The following MRGBP variants were observed in gnomAD, a reference collection of about 807,000 sequenced individuals.
MRGBP encodes the protein MRG/MORF4L-binding protein.
MRGBP carries 5 observed loss-of-function variants against 21.5 expected under a neutral mutation model. The observed-to-expected ratio is 0.23, with a 90% CI of 0.12 to 0.49. MRGBP has a LOEUF of 0.49. Ranked by LOEUF, MRGBP falls within the 20% of genes least tolerant of loss-of-function variation. The pLI, the probability that MRGBP is intolerant of heterozygous loss-of-function variation, is 0.98. For missense variants in MRGBP, 227 were observed against 277.4 expected (o/e 0.82, Z 1.29); for synonymous variants, 118 against 104.4 (o/e 1.13, Z -0.79).
Position 62,798,452 on chromosome 20 carries a change from C to T in MRGBP, c.271-135C>T, listed in dbSNP as rs1200616036. On this transcript the variant is annotated intron_variant, in intron 2 of 4. Coordinates refer to ENST00000370487, the MANE Select transcript of MRGBP (RefSeq NM_018270.6). ...GAAGAAATGCCCTTTGCCCTTGCCC[C>T]GCCCGCCGCAGCCTCCAACACAGTG... The T allele has an allele frequency of 4.1e-5, 29 of 708,904 alleles. No homozygotes were observed. The East Asian group carries it at 6.1e-4, about 15-fold the overall frequency. The allele number at this position is 708,904 out of a possible 1,614,324, so 43.9% of individuals were successfully genotyped here.
In MRGBP at chr20:62,799,774, C is replaced by A; in HGVS notation, c.*131C>A. On this transcript the variant is annotated 3_prime_UTR_variant, in exon 5 of 5. Coordinates refer to ENST00000370487, the MANE Select transcript of MRGBP (RefSeq NM_018270.6). ...GTGCCATGAGCCCACACTGCCCGCCCTCAGGCTCTCAGGTGAACGTGGCCG... is the reference window on the plus strand; with the variant it reads ...GTGCCATGAGCCCACACTGCCCGCCATCAGGCTCTCAGGTGAACGTGGCCG... 1.0e-6 allele frequency: 1 copy of A among 977,872 alleles called. No individual in the cohort carries two copies. Among genetic ancestry groups the A allele is most frequent in the Non-Finnish European group, 1.5e-6 (1 of 679,970 alleles). 60.6% of individuals were successfully genotyped at this position (977,872 alleles called of 1,614,324 possible).
chr20:62,799,756 G>A lies in MRGBP; in HGVS notation c.*113G>A, dbSNP rs1990417240. 1 of 1,188,394 alleles carries A rather than the reference G, an allele frequency of 8.4e-7. No homozygotes were observed. The highest frequency in any genetic ancestry group is 1.2e-6 in the Non-Finnish European group (1 of 862,206). 73.6% of individuals were successfully genotyped at this position (1,188,394 alleles called of 1,614,324 possible). On this transcript the variant is annotated 3_prime_UTR_variant, in exon 5 of 5. Coordinates refer to ENST00000370487, the MANE Select transcript of MRGBP (RefSeq NM_018270.6). ...CACAGTGATACCATCCCAGTGCCAT[G>A]AGCCCACACTGCCCGCCCTCAGGCT...
intron 2 of MRGBP, among the ~76,000 whole-genome samples, chr20:62,797,816 C>T (rs1275800847): frequency 6.6e-6 from 1 of 152,164 alleles, no homozygotes; most frequent in Non-Finnish European, 1.5e-5. Context: ...ACTAGGTAAG[C>T]AGGGTGGCCA....
chr20:62,797,792 G>A (rs6010746), intron 2 of MRGBP, among the ~76,000 whole-genome samples: 33,147 of 152,222 alleles, frequency 0.22, 3,835 homozygotes, highest in African/African-American at 0.27. Flanking sequence ...ACTGTGTGAC[G>A]GGCGAGCGGG....
At chr20:62,798,024 T>A (rs1990372502) in intron 2 of MRGBP, among the ~76,000 whole-genome samples, 1 of 152,036 alleles carries the variant, frequency 6.6e-6, no homozygotes, top group South Asian at 2.1e-4. Flanking sequence ...ATGACATAGG[T>A]CTCTCCCTCT....
intron 2 of MRGBP, 26 bp downstream of exon 2, chr20:62,797,257 C>T (rs1990358046): frequency 1.2e-5 from 18 of 1,531,614 alleles, no homozygotes; most frequent in Non-Finnish European, 1.5e-5. Context: ...CTCCCTGTGC[C>T]GCCCGATGGG....
At position 62,796,686 on chromosome 20, in the gene MRGBP, T is replaced by A. The variant is rs772506922; in HGVS notation, c.148+15T>A. The A allele has an allele frequency of 7.8e-7, 1 of 1,281,904 alleles. No individual in the cohort carries two copies. Among genetic ancestry groups the A allele is most frequent in the South Asian group, 2.1e-5 (1 of 48,516 alleles). The allele number at this position is 1,281,904 out of a possible 1,614,324, so 79.4% of individuals were successfully genotyped here. A position where few individuals can be genotyped will look rare whatever the true frequency, so the allele number is the denominator to read the frequency against. On this transcript the variant is annotated intron_variant, in intron 1 of 4. Transcript: ENST00000370487. ...CAAGCCCGTCGGTGAGCGCCCAGGC[T>A]GCGGACGCGCGTGGGGGCGGGGCGG...
At chr20:62,798,381 G>A (rs1314654288) in intron 2 of MRGBP, among the ~76,000 whole-genome samples, 1 of 152,176 alleles carries the variant, frequency 6.6e-6, no homozygotes, top group Non-Finnish European at 1.5e-5. Context: ...TGCCCTCCCT[G>A]GGTCTGTCTG....
At chr20:62,799,150 C>A in intron 4 of MRGBP, 101 bp downstream of exon 4, 2 of 1,249,334 alleles carry the variant, frequency 1.6e-6, no homozygotes, top group South Asian at 1.4e-5. Context: ...GCCTGCGGTG[C>A]AGAGGCCCCA....
In MRGBP at chr20:62,799,934, G is replaced by A. The variant is rs906154520; in HGVS notation, c.*291G>A. ...TCTCTGGAGCAGCTGTGGCTTCCCC[G>A]TGGCTGCTTGGTGACATGGATTAGC... On this transcript the variant is annotated 3_prime_UTR_variant, in exon 5 of 5. Transcript: ENST00000370487. 5.1e-5 allele frequency: 18 copies of A among 350,316 alleles called. No homozygotes were observed. The highest frequency in any genetic ancestry group is 6.7e-5 in the Non-Finnish European group (13 of 192,664). 21.7% of individuals were successfully genotyped at this position (350,316 alleles called of 1,614,324 possible).
In MRGBP at chr20:62,796,502, C is replaced by T. The variant is rs1600762797; in HGVS notation, c.-22C>T. Reference sequence around the variant, plus strand: ...CCGCGCCTGCTCCCGCCGGGGGCTCCTTGCTCGGCCGGGCCGCGGCCATGG... The same window carrying T: ...CCGCGCCTGCTCCCGCCGGGGGCTCTTTGCTCGGCCGGGCCGCGGCCATGG... On this transcript the variant is annotated 5_prime_UTR_variant, in exon 1 of 5. Coordinates refer to ENST00000370487, the MANE Select transcript of MRGBP (RefSeq NM_018270.6). The T allele has an allele frequency of 8.8e-6, 10 of 1,131,856 alleles. No individual in the cohort carries two copies. The highest frequency in any genetic ancestry group is 1.1e-5 in the Non-Finnish European group (10 of 923,814). 70.1% of individuals were successfully genotyped at this position (1,131,856 alleles called of 1,614,324 possible). A position where few individuals can be genotyped will look rare whatever the true frequency, so the allele number is the denominator to read the frequency against.
chr20:62,797,279 G>T (rs781717633), intron 2 of MRGBP, 48 bp downstream of exon 2: 1 of 1,501,616 alleles, frequency 6.7e-7, no homozygotes, highest in East Asian at 2.5e-5. Flanking sequence ...GCACGAACCC[G>T]CACACCGCTC....
At position 62,801,296 on chromosome 20, in the gene MRGBP, C is replaced by G. The variant is rs1030382485; in HGVS notation, c.*1653C>G. 1.3e-5 allele frequency: 2 copies of G among 152,236 alleles called. No individual in the cohort carries two copies. Among genetic ancestry groups the G allele is most frequent in the Admixed American group, 1.3e-4 (2 of 15,292 alleles). The allele number at this position is 152,236 out of a possible 1,614,324, so 9.4% of individuals were successfully genotyped here. A position where few individuals can be genotyped will look rare whatever the true frequency, so the allele number is the denominator to read the frequency against. On this transcript the variant is annotated 3_prime_UTR_variant, in exon 5 of 5. Coordinates refer to ENST00000370487, the MANE Select transcript of MRGBP (RefSeq NM_018270.6). ...GAGCCGGGACAAATCCACAGCCCTG[C>G]AGTAACAGCCTGCCACAAAGAGCAG...
In MRGBP at chr20:62,799,047, A is replaced by G; in HGVS notation, c.425A>G (p.Asp142Gly). The G allele has an allele frequency of 6.2e-7, 1 of 1,610,660 alleles. No homozygotes were observed. The highest frequency in any genetic ancestry group is 8.5e-7 in the Non-Finnish European group (1 of 1,178,388). The change falls in exon 4 of 5, where the codon GAT (aspartate) becomes GGT (glycine). Residue 142 changes from aspartate (D) to glycine (G), a missense_variant and splice_region_variant. Around this residue, in one of 2 missense-constraint regions of MRGBP, gnomAD observed 162 missense variants for 227.7 expected, o/e 0.71. Coordinates refer to ENST00000370487, the MANE Select transcript of MRGBP (RefSeq NM_018270.6). Reference sequence around the variant, plus strand: ...GTGGACCCCCACAATGGGGCTGACGATGGTGAGTGTGGAGCTCACCCTGCC... The same window carrying G: ...GTGGACCCCCACAATGGGGCTGACGGTGGTGAGTGTGGAGCTCACCCTGCC... Reference protein sequence around the residue: ...EDVDPHNGADDVFSSSGSLGK... With the variant: ...EDVDPHNGADGVFSSSGSLGK...
chr20:62,797,010 G>T (rs1990352057), intron 1 of MRGBP, 100 bp from the exon 2 acceptor site: 2 of 446,162 alleles, frequency 4.5e-6, no homozygotes, highest in Admixed American at 5.4e-5. Flanking sequence ...CCATCTCTCC[G>T]CAGCCACCCT....
rs1425507070 is a variant in MRGBP, at chr20:62,800,516, TGAG to T, written c.*878_*880del. Reference sequence around the variant, plus strand: ...CGGGGACCGTGCAGCTGTCGGCTGATGAGGAGGCGGCCGCCCCAGTGCTGATGG... The same window carrying T: ...CGGGGACCGTGCAGCTGTCGGCTGATGAGGCGGCCGCCCCAGTGCTGATGG... On this transcript the variant is annotated 3_prime_UTR_variant, in exon 5 of 5. Coordinates refer to ENST00000370487, the MANE Select transcript of MRGBP (RefSeq NM_018270.6). 2.0e-5 allele frequency: 3 copies of T among 152,330 alleles called. No individual in the cohort carries two copies. Among genetic ancestry groups the T allele is most frequent in the African/African-American group, 4.8e-5 (2 of 41,420 alleles). 9.4% of individuals were successfully genotyped at this position (152,330 alleles called of 1,614,324 possible).
In MRGBP at chr20:62,797,119, G is replaced by T; in HGVS notation, c.158G>T (p.Arg53Leu). The T allele has an allele frequency of 6.3e-7, 1 of 1,598,098 alleles. No homozygotes were observed. Among genetic ancestry groups the T allele is most frequent in the Non-Finnish European group, 8.5e-7 (1 of 1,174,526 alleles). The change falls in exon 2 of 5, where the codon CGA becomes CTA. Residue 53 changes from arginine to leucine, a missense_variant. Around this residue, in one of 2 missense-constraint regions of MRGBP, gnomAD observed 162 missense variants for 227.7 expected, o/e 0.71. Transcript: ENST00000370487. ...MLGHKPVGVN[R>L]HFHMICIRDK... The stretch of plus-strand genomic sequence containing the variant: ...CCCCTCCTCCCCTCAGGTGTGAACC[G>T]ACACTTCCACATGATTTGTATTCGG...
chr20:62,798,886 C>A, intron 3 of MRGBP, 89 bp from the exon 4 acceptor site: 1 of 1,589,982 alleles, frequency 6.3e-7, no homozygotes, highest in Non-Finnish European at 8.6e-7. Context: ...GTGTGGGCAG[C>A]AAGCGTCGGA....
At chr20:62,797,526 C>T (rs539667884) in intron 2 of MRGBP, among the ~76,000 whole-genome samples, 86 of 152,358 alleles carry the variant, frequency 5.6e-4, no homozygotes, top group African/African-American at 2.0e-3. Context: ...AGCACAAACA[C>T]AGTGCTAGCA....
Sources: gnomAD v4.1 joint callset for allele counts (sites outside exome capture counted in the v4.1 genomes callset) on GRCh38, gnomAD v4.1.1 for gene constraint, gnomAD v4.1.1 regional missense constraint, MANE v1.5 for transcripts, NCBI Gene and HGNC (gene_info 2026-07-23, HGNC 2026-07-21) for gene names.